The following GALNT5 variants were observed in gnomAD, a reference collection of about 807,000 sequenced individuals.
The protein encoded by GALNT5 is polypeptide N-acetylgalactosaminyltransferase 5.
Under a neutral mutation model 85.4 loss-of-function variants are expected in GALNT5, and 72 were observed. That is an observed-to-expected ratio of 0.84 (90% CI 0.70 to 1.03). The LOEUF is 1.03. GALNT5 is among the 50% of genes least tolerant of loss of function. The pLI, the probability that GALNT5 is intolerant of heterozygous loss-of-function variation, is 0.00. For missense variants in GALNT5, 1,137 were observed against 1,135.5 expected, an observed-to-expected ratio of 1.00 and a Z score of -0.02; for synonymous variants, 404 against 397.0, an observed-to-expected ratio of 1.02 and a Z score of -0.21.
intron 1 of GALNT5, among the ~76,000 whole-genome samples, chr2:157,272,161 AT>A (rs1217110401): frequency 2.0e-5 from 3 of 151,634 alleles, no homozygotes; most frequent in Middle Eastern, 6.8e-3. Context: ...TCAATTACTG[AT>A]TTTTTTTTCA....
At chr2:157,286,734 A>C (rs920330395) in intron 3 of GALNT5, among the ~76,000 whole-genome samples, 2 of 151,770 alleles carry the variant, frequency 1.3e-5, no homozygotes, top group African/African-American at 2.4e-5. Flanking sequence ...CGACTCCTGA[A>C]CTCGTGATCC....
chr2:157,318,199 C>T lies in GALNT5; in HGVS notation c.*6851C>T, dbSNP rs757976562. Among the ~76,000 whole-genome samples, 3 of 151,972 alleles carry T rather than the reference C, an allele frequency of 2.0e-5. No individual in the cohort carries two copies. Among genetic ancestry groups the T allele is most frequent in the South Asian group, 2.1e-4 (1 of 4,826 alleles). On this transcript the variant is annotated 3_prime_UTR_variant, in exon 10 of 10. Transcript: ENST00000259056. The stretch of plus-strand genomic sequence containing the variant: ...ATGTTTTCCCTATCACATTGAAAAA[C>T]TTAAATGTCCGTTCTCCATTTGAAA...
rs1030852592 is a variant in GALNT5, at chr2:157,311,487, A to G, written c.*139A>G. 1.3e-5 allele frequency: 8 copies of G among 595,286 alleles called. No homozygotes were observed. Among genetic ancestry groups the G allele is most frequent in the Non-Finnish European group, 2.2e-5 (8 of 355,920 alleles). The allele number at this position is 595,286 out of a possible 1,614,324, so 36.9% of individuals were successfully genotyped here. A position where few individuals can be genotyped will look rare whatever the true frequency, so the allele number is the denominator to read the frequency against. The stretch of plus-strand genomic sequence containing the variant: ...AATGGAAGATTTTTTATAAATCACA[A>G]TATTTGGAATACCAAAAGATGACTC... On this transcript the variant is annotated 3_prime_UTR_variant, in exon 10 of 10. Coordinates refer to ENST00000259056, the MANE Select transcript of GALNT5 (RefSeq NM_014568.3).
rs1273117154 is a variant in GALNT5 at position 157,258,516 on chromosome 2, A to G, written c.434A>G (p.Asp145Gly). ...GTGACTCCTAACAAGCAGAAGACAG[A>G]CGGGAGAGGCACCAAACCTGAAGCC... ...LPVTPNKQKT[D>G]GRGTKPEASS... The change falls in exon 1 of 10, where the codon GAC becomes GGC. Residue 145 changes from aspartate (D) to glycine (G), a missense_variant. Physicochemically the swap from Asp to Gly is moderately conservative, Grantham distance 94. Transcript: ENST00000259056. 2 of 1,612,018 alleles carry G rather than the reference A, an allele frequency of 1.2e-6. No individual in the cohort carries two copies. Among genetic ancestry groups the G allele is most frequent in the Non-Finnish European group, 1.7e-6 (2 of 1,179,498 alleles).
At position 157,258,582 on chromosome 2, in the gene GALNT5, G is replaced by A. The variant is rs1489943048; in HGVS notation, c.500G>A (p.Gly167Glu). 6.2e-7 allele frequency: 1 copy of A among 1,613,312 alleles called. No homozygotes were observed. Among genetic ancestry groups the A allele is most frequent in the East Asian group, 2.2e-5 (1 of 44,774 alleles). The stretch of plus-strand genomic sequence containing the variant: ...ACACCAAAGCAAACGACAGCTCAGG[G>A]GGCTCCAAAGACCTCATTCATAGCA... ...QGTPKQTTAQ[G>E]APKTSFIAAK... The change falls in exon 1 of 10, where the codon GGG becomes GAG. Residue 167 changes from glycine to glutamate, a missense_variant. Physicochemically the swap from Gly to Glu is moderately conservative, Grantham distance 98. Transcript: ENST00000259056.
rs766386766 is a variant in GALNT5, at chr2:157,258,746, C to T, written c.664C>T (p.Leu222Phe). The part of the protein sequence containing the change: ...AERDLNVTIS[L>F]STDRPKQRSQ... ...AAGGGACTTGAATGTGACCATCAGT[C>T]TTAGTACTGATAGACCAAAGCAGCG... is the stretch of plus-strand genomic sequence containing the variant. Residue 222 changes from leucine to phenylalanine, a missense_variant, in exon 1 of 10, where the codon CTT (leucine) becomes TTT (phenylalanine). By Grantham distance (22) the Leu-to-Phe change is conservative. Coordinates refer to ENST00000259056, the MANE Select transcript of GALNT5 (RefSeq NM_014568.3). 1.2e-6 allele frequency: 2 copies of T among 1,612,916 alleles called. No homozygotes were observed. The highest frequency in any genetic ancestry group is 1.7e-5 in the Admixed American group (1 of 59,972).
Position 157,258,856 on chromosome 2 carries a change from T to C in GALNT5, c.774T>C (p.Thr258=). The C allele has an allele frequency of 6.3e-7, 1 of 1,575,884 alleles. No individual in the cohort carries two copies. The highest frequency in any genetic ancestry group is 1.2e-5 in the South Asian group (1 of 85,816). The change falls in exon 1 of 10, where the codon ACT becomes ACC. Residue 258 remains threonine (T), a synonymous_variant. Transcript: ENST00000259056. The part of the protein sequence containing the change: ...KSGEAMALNK[T]KTQSKEVNAN... ...GGGAAGCCATGGCCTTAAACAAAAC[T>C]AAGACTCAGAGCAAAGAAGTCAATG...
At chr2:157,301,055 CTT>C in intron 7 of GALNT5, 56 bp downstream of exon 7, 2 of 1,272,866 alleles carry the variant, frequency 1.6e-6, no homozygotes, top group Non-Finnish European at 2.2e-6. Flanking sequence ...CACAAAATCT[CTT>C]TCAAAAATGT....
chr2:157,296,807 C>A (rs1683222072), intron 5 of GALNT5, among the ~76,000 whole-genome samples: 1 of 152,178 alleles, frequency 6.6e-6, no homozygotes, highest in African/African-American at 2.4e-5. Context: ...GTGCTGCATA[C>A]ATACTATACA....
chr2:157,258,677 A>G lies in GALNT5; in HGVS notation c.595A>G (p.Lys199Glu), dbSNP rs985669965. 1.9e-6 allele frequency: 3 copies of G among 1,613,788 alleles called. No homozygotes were observed. Among genetic ancestry groups the G allele is most frequent in the Non-Finnish European group, 1.7e-6 (2 of 1,180,012 alleles). Residue 199 changes from lysine to glutamate, a missense_variant, in exon 1 of 10, where the codon AAG becomes GAG. Coordinates refer to ENST00000259056, the MANE Select transcript of GALNT5 (RefSeq NM_014568.3). ...GRVSLKQEPR[K>E]SHSPSSDTSK... is the part of the protein sequence containing the mutation. ...TGTCAGTTTAAAACAGGAGCCCCGG[A>G]AGAGTCATAGTCCCAGCAGTGACAC...
chr2:157,280,079 T>G (rs577968810), intron 1 of GALNT5, among the ~76,000 whole-genome samples: 2 of 152,340 alleles, frequency 1.3e-5, no homozygotes, highest in South Asian at 4.1e-4. Flanking sequence ...ATTACAGGCA[T>G]GAGCTACCTC....
At chr2:157,301,394 A>C in intron 7 of GALNT5, 2 of 221,044 alleles carry the variant, frequency 9.0e-6, no homozygotes, top group African/African-American at 2.3e-5. Flanking sequence ...ACAGTTGATG[A>C]CTCCTCAGTT....
At chr2:157,305,942 T>A in intron 8 of GALNT5, 113 bp downstream of exon 8, 1 of 651,242 alleles carries the variant, frequency 1.5e-6, no homozygotes, top group Non-Finnish European at 2.7e-6. Context: ...TTTCTAAATT[T>A]CTTTGTAAAA....
At chr2:157,280,249 A>G (rs940278106) in intron 1 of GALNT5, among the ~76,000 whole-genome samples, 2 of 152,232 alleles carry the variant, frequency 1.3e-5, no homozygotes, top group African/African-American at 4.8e-5. Flanking sequence ...GATGTGATGA[A>G]GGATCTTGAG....
intron 1 of GALNT5, among the ~76,000 whole-genome samples, chr2:157,275,865 A>C (rs566875891): frequency 2.2e-4 from 34 of 152,258 alleles, no homozygotes; most frequent in African/African-American, 7.7e-4. Context: ...TATGTTGAAT[A>C]GGAGTGGTGA....
intron 9 of GALNT5, among the ~76,000 whole-genome samples, chr2:157,310,022 A>G (rs1683535667): frequency 6.6e-6 from 1 of 152,170 alleles, no homozygotes; most frequent in Non-Finnish European, 1.5e-5. Context: ...AGAGAGTGAG[A>G]GAGAGAGAAT....
chr2:157,293,073 C>G (rs893358868), intron 3 of GALNT5, among the ~76,000 whole-genome samples: 5 of 152,260 alleles, frequency 3.3e-5, no homozygotes, highest in Admixed American at 3.3e-4. Context: ...CATACACCTA[C>G]ATGACTCTGT....
intron 1 of GALNT5, among the ~76,000 whole-genome samples, chr2:157,263,404 G>A (rs543358199): frequency 6.6e-6 from 1 of 152,232 alleles, no homozygotes; most frequent in South Asian, 2.1e-4. Flanking sequence ...CTAATTCAAT[G>A]TTGCTCAGAA....
Position 157,313,284 on chromosome 2 carries a change from C to G in GALNT5, c.*1936C>G, listed in dbSNP as rs1213860785. 6.6e-6 allele frequency: 1 copy of G among 152,114 alleles called. No individual in the cohort carries two copies. Among genetic ancestry groups the G allele is most frequent in the Admixed American group, 6.5e-5 (1 of 15,268 alleles). The allele number at this position is 152,114 out of a possible 1,614,324, so 9.4% of individuals were successfully genotyped here. A position where few individuals can be genotyped will look rare whatever the true frequency, so the allele number is the denominator to read the frequency against. ...ACAGTGTTCAATACAGTAACATGCA[C>G]AAGTTTGTAACCTAGGAGCAACAGG... On this transcript the variant is annotated 3_prime_UTR_variant, in exon 10 of 10. Transcript: ENST00000259056.
Sources: allele counts gnomAD v4.1 joint callset (sites outside exome capture counted in the v4.1 genomes callset), GRCh38; gene constraint gnomAD v4.1.1; transcripts MANE v1.5; gene names NCBI Gene and HGNC (gene_info 2026-07-23, HGNC 2026-07-21).